RCAN2: variants seen among roughly 807,000 people sequenced by gnomAD.
RCAN2 encodes regulator of calcineurin 2.
Under a neutral mutation model 23.6 loss-of-function variants are expected in RCAN2, and 9 were observed. That is an observed-to-expected ratio of 0.38 (90% CI 0.23 to 0.67). RCAN2 has a LOEUF of 0.67. RCAN2 is among the 30% of genes least tolerant of loss of function. The probability of loss-of-function intolerance (pLI) is 0.51; values close to 1 mark genes in which losing one functional copy is unlikely to be tolerated. For missense variants in RCAN2, 273 were observed against 302.3 expected, an observed-to-expected ratio of 0.90 and a Z score of 0.72; for synonymous variants, 109 against 115.7, an observed-to-expected ratio of 0.94 and a Z score of 0.37.
At chr6:46,477,513 A>C (rs1328793075) in intron 1 of RCAN2, among the ~76,000 whole-genome samples, 1 of 152,160 alleles carries the variant, frequency 6.6e-6, no homozygotes, top group Non-Finnish European at 1.5e-5. Context: ...CAGTTTCCTC[A>C]TCTGTCAAAT....
chr6:46,429,712 A>T (rs766818137), intron 2 of RCAN2, among the ~76,000 whole-genome samples: 21 of 152,134 alleles, frequency 1.4e-4, no homozygotes, highest in South Asian at 1.0e-3. Context: ...TATGGACCCT[A>T]GGGTCTAATG....
intron 2 of RCAN2, among the ~76,000 whole-genome samples, chr6:46,305,557 T>C (rs1455306917): frequency 6.6e-6 from 1 of 152,008 alleles, no homozygotes; most frequent in African/African-American, 2.4e-5. Context: ...GATTGATTTT[T>C]GTCTCATCAG....
chr6:46,432,697 C>T (rs1767249858), intron 2 of RCAN2, among the ~76,000 whole-genome samples: 1 of 151,972 alleles, frequency 6.6e-6, no homozygotes, highest in Non-Finnish European at 1.5e-5. Context: ...TTAATACATG[C>T]CGAAGATATT....
intron 1 of RCAN2, among the ~76,000 whole-genome samples, 160 bp downstream of exon 1, chr6:46,491,013 G>GCCCCCGCCCCCGCCC (rs1561926325): frequency 3.6e-5 from 3 of 83,494 alleles, no homozygotes; most frequent in Non-Finnish European, 9.1e-5. Context: ...CCCCACCCCC[G>GCCCCCGCCCCCGCCC]CCACCGCCCC....
rs528776907 is a variant in RCAN2, at chr6:46,282,867, C to A, written c.226-33971G>T. 2.6e-5 allele frequency among the ~76,000 whole-genome samples: 4 copies of A among 152,312 alleles called. No individual in the cohort carries two copies. In the East Asian group the frequency reaches 7.7e-4, roughly 29 times the overall value. ...GGGTTCTGGCCCCAAGTCAAATCTG[C>A]CTTTTCCTCTAAATAATAAACGTAC... On this transcript the variant is annotated intron_variant, in intron 2 of 4. Transcript: ENST00000371374.
chr6:46,429,700 C>T lies in RCAN2; in HGVS notation c.225+27052G>A, dbSNP rs77400633. 3.3e-3 allele frequency among the ~76,000 whole-genome samples: 506 copies of T among 152,100 alleles called. 1 individual carries two copies. Among genetic ancestry groups the T allele is most frequent in the African/African-American group, 0.012 (478 of 41,492 alleles). On this transcript the variant is annotated intron_variant, in intron 2 of 4. Transcript: ENST00000371374. ...TCATTAGGGCAGGTACGTTCTTGCC[C>T]TTATGGACCCTAGGGTCTAATGTGA... is the stretch of plus-strand genomic sequence containing the variant.
At chr6:46,367,428 G>A (rs1452020858) in intron 2 of RCAN2, among the ~76,000 whole-genome samples, 1 of 152,086 alleles carries the variant, frequency 6.6e-6, no homozygotes, top group African/African-American at 2.4e-5. Context: ...TATAAAAGAT[G>A]TTGACCTATT....
At chr6:46,441,289 G>T (rs1247857771) in intron 2 of RCAN2, among the ~76,000 whole-genome samples, 1 of 152,168 alleles carries the variant, frequency 6.6e-6, no homozygotes, top group East Asian at 1.9e-4. Flanking sequence ...AGTTGGCAAA[G>T]ATGAAATAAC....
chr6:46,454,687 T>C (rs1767970110), intron 2 of RCAN2, among the ~76,000 whole-genome samples: 1 of 152,236 alleles, frequency 6.6e-6, no homozygotes, highest in African/African-American at 2.4e-5. Flanking sequence ...TATATTCTTG[T>C]TTATTTTGCC....
At chr6:46,237,610 TG>T (rs1161744368) in intron 4 of RCAN2, among the ~76,000 whole-genome samples, 3 of 152,176 alleles carry the variant, frequency 2.0e-5, no homozygotes, top group Admixed American at 2.0e-4. Context: ...ATGATTGTCT[TG>T]ACAAATATAG....
chr6:46,239,733 A>T (rs1035307263), intron 4 of RCAN2, among the ~76,000 whole-genome samples: 5 of 152,158 alleles, frequency 3.3e-5, no homozygotes, highest in African/African-American at 1.2e-4. Context: ...GACAAAGAGC[A>T]TACTCTGTAG....
intron 2 of RCAN2, among the ~76,000 whole-genome samples, chr6:46,339,044 T>C (rs1297695347): frequency 2.0e-5 from 2 of 100,604 alleles, no homozygotes; most frequent in Non-Finnish European, 4.6e-5. Context: ...AAAAAAGAAT[T>C]AAAGGGGGTT....
intron 3 of RCAN2, among the ~76,000 whole-genome samples, chr6:46,247,198 C>G (rs1400500347): frequency 4.6e-5 from 7 of 152,108 alleles, no homozygotes; most frequent in Admixed American, 4.6e-4. Context: ...TTCAGGAGGC[C>G]TGGGATGGGG....
At chr6:46,328,955 G>A (rs1282778164) in intron 2 of RCAN2, among the ~76,000 whole-genome samples, 1 of 152,140 alleles carries the variant, frequency 6.6e-6, no homozygotes, top group Non-Finnish European at 1.5e-5. Flanking sequence ...AGCCTTGGAG[G>A]TGTCTAGAAT....
At chr6:46,376,397 T>A (rs1198615947) in intron 2 of RCAN2, among the ~76,000 whole-genome samples, 2 of 152,184 alleles carry the variant, frequency 1.3e-5, no homozygotes, top group African/African-American at 4.8e-5. Flanking sequence ...ATGCCATCAT[T>A]AAGAGTGGGC....
At chr6:46,488,021 G>A (rs1015805451) in intron 1 of RCAN2, among the ~76,000 whole-genome samples, 6 of 152,190 alleles carry the variant, frequency 3.9e-5, no homozygotes, top group African/African-American at 1.4e-4. Flanking sequence ...ATGTGACTTT[G>A]CAAACATCAC....
intron 2 of RCAN2, among the ~76,000 whole-genome samples, chr6:46,404,971 T>C (rs1261380265): frequency 6.6e-6 from 1 of 152,222 alleles, no homozygotes; most frequent in East Asian, 1.9e-4. Context: ...CAATAAAATA[T>C]GACACTGATA....
At chr6:46,468,388 C>T (rs181474700) in intron 1 of RCAN2, among the ~76,000 whole-genome samples, 53 of 152,274 alleles carry the variant, frequency 3.5e-4, no homozygotes, top group Middle Eastern at 3.4e-3. Context: ...ACTTACCCTT[C>T]TCTTTTCTTT....
intron 2 of RCAN2, among the ~76,000 whole-genome samples, chr6:46,259,525 G>A (rs1767041031): frequency 6.6e-6 from 1 of 152,086 alleles, no homozygotes; most frequent in African/African-American, 2.4e-5. Context: ...CAAAACATTG[G>A]TTTTTCTATA....
Sources: gnomAD v4.1 joint callset for allele counts (sites outside exome capture counted in the v4.1 genomes callset) on GRCh38, gnomAD v4.1.1 for gene constraint, MANE v1.5 for transcripts, NCBI Gene and HGNC (gene_info 2026-07-23, HGNC 2026-07-21) for gene names.